Variants in COL19A1 observed in about 807,000 individuals in gnomAD.
COL19A1 encodes the protein collagen type XIX alpha 1 chain, also known as collagen alpha-1(XIX) chain.
A neutral mutation model predicts 190.2 loss-of-function variants in COL19A1; 159 were observed. That is an observed-to-expected ratio of 0.84 (90% CI 0.73 to 0.95). The LOEUF (loss-of-function observed/expected upper bound fraction) is 0.95. Among genes scored for constraint, COL19A1 ranks in the 40% least tolerant of loss-of-function variants. The pLI is 0.00. For missense variants in COL19A1, 1,418 were observed against 1,431.9 expected (o/e 0.99, Z 0.16); for synonymous variants, 509 against 458.9 (o/e 1.11, Z -1.39).
At chr6:70,204,228 T>TA (rs1767726774) in intron 49 of COL19A1, among the ~76,000 whole-genome samples, 1 of 152,262 alleles carries the variant, frequency 6.6e-6, no homozygotes, top group African/African-American at 2.4e-5. Context: ...CTTCCAAATT[T>TA]AAAGACAGGT....
intron 9 of COL19A1, among the ~76,000 whole-genome samples, chr6:69,959,594 T>C (rs1049760302): frequency 2.0e-5 from 3 of 152,174 alleles, no homozygotes; most frequent in Non-Finnish European, 4.4e-5. Flanking sequence ...CCTGATAGTT[T>C]TGTTGTCAAA....
chr6:70,117,804 A>G (rs961290854), intron 16 of COL19A1, among the ~76,000 whole-genome samples: 6 of 152,168 alleles, frequency 3.9e-5, no homozygotes, highest in African/African-American at 1.4e-4. Flanking sequence ...AAAAACAGAC[A>G]TTGTATAGGC....
In COL19A1 at chr6:69,879,515, ATTTT is replaced by A; in HGVS notation, c.-32-13_-32-10del. ...GCTGCATACAATAAACTTTATTCAAATTTTTTTTTTTCTGTTGCAGATCCGTGGC... is the reference window on the plus strand; with the variant it reads ...GCTGCATACAATAAACTTTATTCAAATTTTTTTCTGTTGCAGATCCGTGGC... On this transcript the variant is annotated splice_polypyrimidine_tract_variant and intron_variant, in intron 1 of 50. Transcript: ENST00000620364. 8.5e-7 allele frequency: 1 copy of A among 1,171,604 alleles called. No homozygotes were observed. The highest frequency in any genetic ancestry group is 1.2e-6 in the Non-Finnish European group (1 of 838,616). 72.6% of individuals were successfully genotyped at this position (1,171,604 alleles called of 1,614,324 possible).
At chr6:70,063,404 A>G (rs565027777) in intron 14 of COL19A1, among the ~76,000 whole-genome samples, 50 of 152,164 alleles carry the variant, frequency 3.3e-4, no homozygotes, top group African/African-American at 1.1e-3. Flanking sequence ...TGAAATGAAG[A>G]CAGAAATAAA....
intron 18 of COL19A1, among the ~76,000 whole-genome samples, chr6:70,134,343 A>G (rs1381944983): frequency 1.3e-5 from 2 of 152,196 alleles, no homozygotes; most frequent in Non-Finnish European, 2.9e-5. Flanking sequence ...AAGACTGATG[A>G]TACACAGGAT....
chr6:70,077,690 G>C, intron 15 of COL19A1, among the ~76,000 whole-genome samples: 1 of 148,534 alleles, frequency 6.7e-6, no homozygotes, highest in South Asian at 2.2e-4. Context: ...AAGGACTGTT[G>C]TTTGTATTTC....
At chr6:69,961,424 G>A (rs2150045731) in intron 10 of COL19A1, among the ~76,000 whole-genome samples, 1 of 152,328 alleles carries the variant, frequency 6.6e-6, no homozygotes, top group South Asian at 2.1e-4. Context: ...CAAGGGATGT[G>A]CAGATTTATC....
intron 2 of COL19A1, among the ~76,000 whole-genome samples, chr6:69,894,052 T>C (rs1188456574): frequency 6.6e-6 from 1 of 151,282 alleles, no homozygotes; most frequent in Non-Finnish European, 1.5e-5. Flanking sequence ...TCTCTAAAAA[T>C]ATATAAAACC....
intron 48 of COL19A1, among the ~76,000 whole-genome samples, chr6:70,196,725 T>C (rs1213566398): frequency 6.6e-6 from 1 of 152,240 alleles, no homozygotes; most frequent in Non-Finnish European, 1.5e-5. Flanking sequence ...GTTTGGTTTA[T>C]GCATGCTTAT....
chr6:70,130,979 AAAT>A (rs1467848086), intron 18 of COL19A1: 1 of 440,116 alleles, frequency 2.3e-6, no homozygotes, highest in Admixed American at 2.5e-5. Context: ...TGGTTTAACC[AAAT>A]AATTATTTCA....
intron 48 of COL19A1, among the ~76,000 whole-genome samples, chr6:70,198,632 A>T (rs1767354515): frequency 6.6e-6 from 1 of 152,238 alleles, no homozygotes; most frequent in Non-Finnish European, 1.5e-5. Flanking sequence ...GAATGAGTTA[A>T]TGATTTTACC....
chr6:69,934,321 T>A (rs1582450757), intron 7 of COL19A1, among the ~76,000 whole-genome samples: 1 of 151,970 alleles, frequency 6.6e-6, no homozygotes. Context: ...CTAGACTTCC[T>A]GGAGCTACAC....
intron 40 of COL19A1, among the ~76,000 whole-genome samples, chr6:70,171,071 A>G (rs76660994): frequency 0.015 from 2,212 of 152,302 alleles, 81 homozygotes; most frequent in East Asian, 0.13. Flanking sequence ...CCCATGGCCC[A>G]TGGGCTGCAT....
chr6:69,946,878 G>C (rs1028434684), intron 9 of COL19A1, among the ~76,000 whole-genome samples: 2 of 151,824 alleles, frequency 1.3e-5, no homozygotes, highest in Admixed American at 6.6e-5. Flanking sequence ...TCAAACTGTG[G>C]CCCTATAGTA....
chr6:70,191,809 AT>A (rs1766891025), intron 48 of COL19A1, among the ~76,000 whole-genome samples: 1 of 152,250 alleles, frequency 6.6e-6, no homozygotes, highest in African/African-American at 2.4e-5. Context: ...AGATTGTTGA[AT>A]TTTTTTAAGG....
At chr6:69,888,957 CA>C (rs756410270) in intron 2 of COL19A1, among the ~76,000 whole-genome samples, 6 of 152,124 alleles carry the variant, frequency 3.9e-5, no homozygotes, top group South Asian at 4.2e-4. Flanking sequence ...AGGATGTGTA[CA>C]GGGGGGCTGA....
At chr6:70,092,321 G>T (rs1250666116) in intron 15 of COL19A1, among the ~76,000 whole-genome samples, 1 of 152,100 alleles carries the variant, frequency 6.6e-6, no homozygotes, top group Non-Finnish European at 1.5e-5. Flanking sequence ...GAGGGAAACT[G>T]GAGTGCTGAG....
intron 4 of COL19A1, among the ~76,000 whole-genome samples, chr6:69,912,067 C>A (rs1311268793): frequency 6.6e-6 from 1 of 152,142 alleles, no homozygotes; most frequent in East Asian, 1.9e-4. Context: ...CTAGGTGTTG[C>A]ACTAAACTTC....
In COL19A1 at chr6:70,107,349, C is replaced by T. The variant is rs117437513; in HGVS notation, c.1278+5127C>T. Among the ~76,000 whole-genome samples, 215 of 152,112 alleles carry T rather than the reference C, an allele frequency of 1.4e-3. 10 individuals carry two copies. In the East Asian group the frequency reaches 0.033, roughly 24 times the overall value. On this transcript the variant is annotated intron_variant, in intron 16 of 50. Transcript: ENST00000620364. ...TAGGATGGCGGTGAGGAACTTAGTC[C>T]TTCTCCTCACTAGCTTGTCCTGGAA... is the stretch of plus-strand genomic sequence containing the variant.
Sources: gnomAD v4.1 joint callset for allele counts (sites outside exome capture counted in the v4.1 genomes callset) on GRCh38, gnomAD v4.1.1 for gene constraint, MANE v1.5 for transcripts, NCBI Gene and HGNC (gene_info 2026-07-23, HGNC 2026-07-21) for gene names.